SUSD6: variants seen among roughly 807,000 people sequenced by gnomAD.
SUSD6 encodes sushi domain containing 6, also known as sushi domain-containing protein 6.
A neutral mutation model predicts 28.4 loss-of-function variants in SUSD6; 16 were observed. That is an observed-to-expected ratio of 0.56 (90% CI 0.38 to 0.86). SUSD6 has a LOEUF of 0.86. SUSD6 is among the 40% of genes least tolerant of loss of function. SUSD6 has a pLI of 0.00. For synonymous variants in SUSD6, 147 were observed against 159.6 expected (o/e 0.92, Z 0.59); for missense variants, 341 against 384.2 (o/e 0.89, Z 0.94).
At chr14:69,670,711 G>A (rs918563601) in intron 2 of SUSD6, among the ~76,000 whole-genome samples, 1 of 152,258 alleles carries the variant, frequency 6.6e-6, no homozygotes, top group Non-Finnish European at 1.5e-5. Flanking sequence ...TTGTGGTGAA[G>A]ATGAAATGTT....
intron 2 of SUSD6, among the ~76,000 whole-genome samples, chr14:69,680,430 C>T (rs903016339): frequency 1.3e-5 from 2 of 152,148 alleles, no homozygotes; most frequent in African/African-American, 2.4e-5. Context: ...TACTGGTTTC[C>T]GTGTCTCCAG....
chr14:69,676,062 C>G (rs1885903928), intron 2 of SUSD6, among the ~76,000 whole-genome samples: 1 of 152,194 alleles, frequency 6.6e-6, no homozygotes, highest in Non-Finnish European at 1.5e-5. Context: ...CAGGGTCTCA[C>G]AGTCTAATGG....
intron 4 of SUSD6, among the ~76,000 whole-genome samples, chr14:69,705,190 C>T (rs1478685630): frequency 2.6e-5 from 4 of 151,582 alleles, no homozygotes; most frequent in African/African-American, 7.3e-5. Context: ...TGGTGGCGCG[C>T]GCCTGTAGTC....
chr14:69,621,618 G>A (rs1885042308), intron 1 of SUSD6, among the ~76,000 whole-genome samples: 1 of 152,202 alleles, frequency 6.6e-6, no homozygotes, highest in South Asian at 2.1e-4. Flanking sequence ...AGCCTTGGGA[G>A]GCATCATTCA....
At chr14:69,689,429 G>T (rs1886122710) in intron 2 of SUSD6, among the ~76,000 whole-genome samples, 1 of 152,142 alleles carries the variant, frequency 6.6e-6, no homozygotes, top group Admixed American at 6.5e-5. Flanking sequence ...ATCCTTACAT[G>T]GATTCTGGAA....
Position 69,709,088 on chromosome 14 carries a change from A to G in SUSD6, c.870A>G (p.Ser290=). 6.3e-7 allele frequency: 1 copy of G among 1,599,522 alleles called. No individual in the cohort carries two copies. The highest frequency in any genetic ancestry group is 1.1e-5 in the South Asian group (1 of 88,514). The change falls in exon 5 of 6, where the codon TCA becomes TCG. Residue 290 remains serine (S), a synonymous_variant. Transcript: ENST00000342745. ...TACAAAGCCTTTTATCCCTCACGTCAGAGGAGTACACAGATGGTGAGTGGT... is the reference window on the plus strand; with the variant it reads ...TACAAAGCCTTTTATCCCTCACGTCGGAGGAGTACACAGATGGTGAGTGGT... The part of the protein sequence containing the change: ...SDIQSLLSLT[S]EEYTDDIPLL...
chr14:69,670,974 A>G (rs1010609759), intron 2 of SUSD6, among the ~76,000 whole-genome samples: 6 of 152,266 alleles, frequency 3.9e-5, no homozygotes, highest in Non-Finnish European at 7.3e-5. Context: ...GAGTATGTTC[A>G]GTAGCTGTAG....
chr14:69,671,716 C>A (rs1885835572), intron 2 of SUSD6, among the ~76,000 whole-genome samples: 1 of 152,138 alleles, frequency 6.6e-6, no homozygotes, highest in African/African-American at 2.4e-5. Context: ...GGGGTGAGGA[C>A]TGTCTGTGAT....
At chr14:69,655,088 C>A (rs1026492054) in intron 1 of SUSD6, among the ~76,000 whole-genome samples, 5 of 151,874 alleles carry the variant, frequency 3.3e-5, no homozygotes, top group African/African-American at 1.2e-4. Flanking sequence ...CCACTGTGCC[C>A]GGCAGTTACC....
intron 4 of SUSD6, among the ~76,000 whole-genome samples, chr14:69,708,421 A>C (rs1566608956): frequency 3.3e-5 from 5 of 152,168 alleles, no homozygotes; most frequent in Admixed American, 2.0e-4. Flanking sequence ...TTCAAATCCT[A>C]GCTCCATCCT....
intron 5 of SUSD6, among the ~76,000 whole-genome samples, 164 bp from the exon 6 acceptor site, chr14:69,710,790 A>T (rs965924994): frequency 6.6e-6 from 1 of 152,182 alleles, no homozygotes; most frequent in African/African-American, 2.4e-5. Flanking sequence ...AGTCATAAAA[A>T]AGGAGGTAGG....
chr14:69,672,192 C>T (rs1479587706), intron 2 of SUSD6, among the ~76,000 whole-genome samples: 3 of 152,192 alleles, frequency 2.0e-5, no homozygotes, highest in Admixed American at 1.3e-4. Flanking sequence ...AACAAACCCC[C>T]ACATCTTGAG....
rs116052934 is a variant in SUSD6 at position 69,697,675 on chromosome 14, G to C, written c.122-5720G>C. ...ATTTCTGTTGGACAGCTTTGTGCTA[G>C]GTTTGTGATTTCCATCCATTCCTTC... On this transcript the variant is annotated intron_variant, in intron 2 of 5. Transcript: ENST00000342745. Among the ~76,000 whole-genome samples the C allele has an allele frequency of 8.5e-3, 1,288 of 152,248 alleles. 13 individuals carry two copies. Among genetic ancestry groups the C allele is most frequent in the African/African-American group, 0.029 (1,225 of 41,548 alleles).
chr14:69,708,221 G>T (rs1364123205), intron 4 of SUSD6, among the ~76,000 whole-genome samples: 2 of 152,214 alleles, frequency 1.3e-5, no homozygotes, highest in Non-Finnish European at 2.9e-5. Flanking sequence ...AATGTGTACA[G>T]TGAAGTGGTT....
chr14:69,684,107 C>T (rs1438955121), intron 2 of SUSD6, among the ~76,000 whole-genome samples: 1 of 152,162 alleles, frequency 6.6e-6, no homozygotes, highest in East Asian at 1.9e-4. Context: ...TGTCTCCTAG[C>T]GGACCCAGTG....
Position 69,709,034 on chromosome 14 carries a change from A to G in SUSD6, c.816A>G (p.Lys272=). 1 of 1,613,970 alleles carries G rather than the reference A, an allele frequency of 6.2e-7. No homozygotes were observed. The highest frequency in any genetic ancestry group is 8.5e-7 in the Non-Finnish European group (1 of 1,179,996). Residue 272 remains lysine (K), a synonymous_variant, in exon 5 of 6, where the codon AAA becomes AAG. Coordinates refer to ENST00000342745, the MANE Select transcript of SUSD6 (RefSeq NM_014734.4). ...CAGGGAACCGCCAACTGGCACACAA[A>G]GAAACTGCAGATTCAGAGAACAGTG... ...AGSGNRQLAH[K]ETADSENSDI... is the part of the protein sequence containing the mutation.
rs528125145 is a variant in SUSD6, at chr14:69,621,306, A to G, written c.-81+9478A>G. Among the ~76,000 whole-genome samples the G allele has an allele frequency of 7.9e-4, 120 of 152,298 alleles. No individual in the cohort carries two copies. The Middle Eastern group carries it at 0.014, about 17-fold the overall frequency. ...GAGTGGTATTATTGATGAAATTCTA[A>G]AAATGGAGTCATTTGTAGGGAGGCC... On this transcript the variant is annotated intron_variant, in intron 1 of 5. Transcript: ENST00000342745.
chr14:69,707,782 T>C lies in SUSD6; in HGVS notation c.459-895T>C, dbSNP rs143423465. Among the ~76,000 whole-genome samples the C allele has an allele frequency of 9.9e-5, 15 of 152,266 alleles. 1 individual carries two copies. The East Asian group carries it at 2.9e-3, about 29-fold the overall frequency. On this transcript the variant is annotated intron_variant, in intron 4 of 5. Coordinates refer to ENST00000342745, the MANE Select transcript of SUSD6 (RefSeq NM_014734.4). ...CAATTTTTTTAATTAAAAAAAAATA[T>C]ATGCAAAACTAAACCACAGTGTTGA...
chr14:69,623,060 G>A (rs931359541), intron 1 of SUSD6, among the ~76,000 whole-genome samples: 1 of 152,144 alleles, frequency 6.6e-6, no homozygotes, highest in African/African-American at 2.4e-5. Context: ...ATCAGACACC[G>A]GTATGATAGC....
Sources: allele counts gnomAD v4.1 joint callset (sites outside exome capture counted in the v4.1 genomes callset), GRCh38; gene constraint gnomAD v4.1.1; transcripts MANE v1.5; gene names NCBI Gene and HGNC (gene_info 2026-07-23, HGNC 2026-07-21).